The following RGS3 variants were observed in gnomAD, a reference collection of about 807,000 sequenced individuals.
The protein encoded by RGS3 is regulator of G-protein signalling 3.
In RGS3, 80 loss-of-function variants were observed where a neutral mutation model predicts 132.6. That is an observed-to-expected ratio of 0.60 (90% CI 0.50 to 0.73). RGS3 has a LOEUF of 0.73. RGS3 is among the 30% of genes least tolerant of loss of function. The probability of loss-of-function intolerance (pLI) is 0.00; values close to 1 mark genes in which losing one functional copy is unlikely to be tolerated. For missense variants in RGS3, 1,382 were observed against 1,530.8 expected (o/e 0.90, Z 1.62); for synonymous variants, 598 against 620.6 (o/e 0.96, Z 0.54).
chr9:113,552,518 A>G (rs1192741390), intron 19 of RGS3, among the ~76,000 whole-genome samples: 2 of 151,888 alleles, frequency 1.3e-5, no homozygotes, highest in Non-Finnish European at 2.9e-5. Flanking sequence ...CGGGGTTTCA[A>G]TGTGTTAGCC....
chr9:113,504,024 T>C (rs747994835), intron 10 of RGS3, among the ~76,000 whole-genome samples: 12 of 152,236 alleles, frequency 7.9e-5, no homozygotes, highest in Non-Finnish European at 1.6e-4. Context: ...TTTCCTGTTT[T>C]ACAAACTTGC....
At chr9:113,590,932 T>C (rs1835388102) in intron 20 of RGS3, among the ~76,000 whole-genome samples, 1 of 152,256 alleles carries the variant, frequency 6.6e-6, no homozygotes, top group Non-Finnish European at 1.5e-5. Context: ...AATCCTGACT[T>C]AATCATTATG....
chr9:113,468,876 T>C (rs1183082299), intron 3 of RGS3, among the ~76,000 whole-genome samples: 3 of 151,948 alleles, frequency 2.0e-5, no homozygotes, highest in African/African-American at 7.3e-5. Flanking sequence ...GCACCTCTCT[T>C]TAGAAATGCC....
chr9:113,470,327 C>T (rs1262346066), intron 3 of RGS3, among the ~76,000 whole-genome samples: 1 of 152,164 alleles, frequency 6.6e-6, no homozygotes, highest in Non-Finnish European at 1.5e-5. Context: ...TTTTCTCTGT[C>T]AGTTCCTAAG....
At chr9:113,478,106 T>A (rs1039860268) in intron 3 of RGS3, among the ~76,000 whole-genome samples, 2 of 152,104 alleles carry the variant, frequency 1.3e-5, no homozygotes, top group African/African-American at 2.4e-5. Context: ...TTTAAAAAAT[T>A]TAAACAAAAA....
chr9:113,500,449 G>A (rs905606522), intron 10 of RGS3, among the ~76,000 whole-genome samples: 10 of 152,200 alleles, frequency 6.6e-5, no homozygotes, highest in Non-Finnish European at 1.3e-4. Context: ...GCGCTGCTCT[G>A]CAGGATGCTA....
intron 19 of RGS3, among the ~76,000 whole-genome samples, chr9:113,569,950 G>A (rs1476060807): frequency 6.6e-6 from 1 of 152,130 alleles, no homozygotes; most frequent in Non-Finnish European, 1.5e-5. Flanking sequence ...ACCCCTCAGA[G>A]GTGTAGACAT....
chr9:113,556,198 CA>C (rs1001625030), intron 19 of RGS3, among the ~76,000 whole-genome samples: 1 of 152,150 alleles, frequency 6.6e-6, no homozygotes, highest in African/African-American at 2.4e-5. Flanking sequence ...TTCCTCTTTC[CA>C]ATCTTTGGAA....
chr9:113,447,090 T>C (rs1829117717), intron 1 of RGS3, among the ~76,000 whole-genome samples: 2 of 151,078 alleles, frequency 1.3e-5, no homozygotes, highest in Non-Finnish European at 2.9e-5. Flanking sequence ...TGAAACCCTG[T>C]CTCTACTAAA....
At chr9:113,564,193 G>C (rs1355831245) in intron 19 of RGS3, among the ~76,000 whole-genome samples, 1 of 152,212 alleles carries the variant, frequency 6.6e-6, no homozygotes, top group Non-Finnish European at 1.5e-5. Flanking sequence ...GGAGCAACTA[G>C]TTTTCAGTCC....
At chr9:113,550,434 G>C (rs539956920) in intron 19 of RGS3, among the ~76,000 whole-genome samples, 2 of 152,308 alleles carry the variant, frequency 1.3e-5, no homozygotes, top group Admixed American at 1.3e-4. Context: ...CCTGTTAGTA[G>C]AGTTTCTGGG....
At chr9:113,484,706 A>G (rs1203727212) in intron 6 of RGS3, among the ~76,000 whole-genome samples, 7 of 152,328 alleles carry the variant, frequency 4.6e-5, no homozygotes, top group African/African-American at 1.7e-4. Flanking sequence ...GCTGTGGGGT[A>G]TAAATGGGAC....
At chr9:113,578,291 G>T (rs7857943) in intron 19 of RGS3, among the ~76,000 whole-genome samples, 18,051 of 152,136 alleles carry the variant, frequency 0.12, 1,285 homozygotes, top group African/African-American at 0.19. Context: ...AGTGCTCATG[G>T]GTGCCCTCAT....
At chr9:113,509,158 G>A (rs541973482) in intron 14 of RGS3, among the ~76,000 whole-genome samples, 4 of 151,982 alleles carry the variant, frequency 2.6e-5, no homozygotes, top group South Asian at 4.2e-4. Context: ...GGTGGTGTGC[G>A]CCAATAGTCC....
chr9:113,551,027 A>G (rs1833318422), intron 19 of RGS3, among the ~76,000 whole-genome samples: 1 of 152,242 alleles, frequency 6.6e-6, no homozygotes, highest in Non-Finnish European at 1.5e-5. Flanking sequence ...AGTAATTTTT[A>G]GTGTATTCAC....
intron 14 of RGS3, among the ~76,000 whole-genome samples, chr9:113,508,940 G>A (rs189840260): frequency 7.9e-5 from 12 of 152,288 alleles, no homozygotes; most frequent in East Asian, 1.9e-4. Flanking sequence ...GTCAGGGAGC[G>A]TGGAGGTGGG....
At chr9:113,535,148 T>C (rs1253575084) in intron 18 of RGS3, among the ~76,000 whole-genome samples, 1 of 152,140 alleles carries the variant, frequency 6.6e-6, no homozygotes, top group African/African-American at 2.4e-5. Flanking sequence ...TAAATAGTTA[T>C]TTTATTTTGT....
intron 16 of RGS3, 130 bp downstream of exon 14, chr9:113,517,754 A>T (rs968168654): frequency 3.1e-6 from 2 of 651,114 alleles, no homozygotes; most frequent in African/African-American, 1.8e-5. Context: ...GAGACCTGAG[A>T]AGGACCCCGC....
chr9:113,564,990 C>T (rs1015701644), intron 19 of RGS3: 313 of 1,018,356 alleles, frequency 3.1e-4, no homozygotes, highest in Non-Finnish European at 3.5e-4. Flanking sequence ...CGGCTGGAGG[C>T]GGCTTTGCGC....
Sources: allele counts gnomAD v4.1 joint callset (sites outside exome capture counted in the v4.1 genomes callset), GRCh38; gene constraint gnomAD v4.1.1; transcripts MANE v1.5; gene names NCBI Gene and HGNC (gene_info 2026-07-23, HGNC 2026-07-21).